LVRN: variants seen among roughly 807,000 people sequenced by gnomAD.
LVRN encodes the protein aminopeptidase Q.
In LVRN, 99 loss-of-function variants were observed where a neutral mutation model predicts 111.4. The ratio of observed to expected loss-of-function variants is 0.89; its 90% CI spans 0.76 to 1.05. The LOEUF (loss-of-function observed/expected upper bound fraction) is 1.05, where lower values mean the gene tolerates loss of function less well. LVRN is among the 50% of genes least tolerant of loss of function. LVRN has a pLI of 0.00. For synonymous variants in LVRN, 488 were observed against 449.5 expected (o/e 1.09, Z -1.08); for missense variants, 1,414 against 1,206.8 (o/e 1.17, Z -2.54).
Position 116,003,376 on chromosome 5 carries a change from CT to C in LVRN, c.2034del (p.Lys679ArgfsTer11). ...CTAAATCAACAACTTGAAAAGGATC[CT>C]AAGGTAAGGTTACTTTTGATACTTT... ...KKLNQQLEKD[P>X]KAIPVIHRLQ... On this transcript the variant is annotated frameshift_variant, in exon 12 of 20. Coordinates refer to ENST00000357872, the MANE Select transcript of LVRN (RefSeq NM_173800.5). LOFTEE classifies it high-confidence loss of function. 6.9e-7 allele frequency: 1 copy of C among 1,442,330 alleles called. No individual in the cohort carries two copies. 89.3% of individuals were successfully genotyped at this position (1,442,330 alleles called of 1,614,324 possible).
intron 4 of LVRN, among the ~76,000 whole-genome samples, chr5:115,988,391 C>T (rs1747916203): frequency 6.6e-6 from 1 of 151,650 alleles, no homozygotes; most frequent in Admixed American, 6.6e-5. Flanking sequence ...CTTAGTGGTC[C>T]CAACTATGAA....
chr5:116,001,689 G>A (rs6895868), intron 10 of LVRN, among the ~76,000 whole-genome samples: 1,825 of 152,260 alleles, frequency 0.012, 28 homozygotes, highest in African/African-American at 0.037. Context: ...GGGTGTGCAC[G>A]GATGTGTGTG....
chr5:116,004,993 A>G (rs965001151), intron 12 of LVRN, among the ~76,000 whole-genome samples: 11 of 152,230 alleles, frequency 7.2e-5, no homozygotes, highest in African/African-American at 2.2e-4. Flanking sequence ...AGGGCATTCT[A>G]AGCCATGAAA....
chr5:115,998,552 A>T (rs1431914524), intron 6 of LVRN, among the ~76,000 whole-genome samples: 1 of 152,184 alleles, frequency 6.6e-6, no homozygotes, highest in African/African-American at 2.4e-5. Context: ...CATTGTGCTT[A>T]TAGGTCACCA....
chr5:116,021,785 T>A lies in LVRN; in HGVS notation c.2757-606T>A, dbSNP rs144365509. 3.6e-3 allele frequency: 1,506 copies of A among 422,036 alleles called. 19 individuals are homozygous for A. Among genetic ancestry groups the A allele is most frequent in the African/African-American group, 0.029 (1,382 of 47,768 alleles). The allele number at this position is 422,036 out of a possible 1,614,324, so 26.1% of individuals were successfully genotyped here. ...TCTGCTGTTTTTTCATAGCAATACT[T>A]CACAGCTATTTTAAGATTTTTTTTT... is the stretch of plus-strand genomic sequence containing the variant. On this transcript the variant is annotated intron_variant, in intron 18 of 19. Coordinates refer to ENST00000357872, the MANE Select transcript of LVRN (RefSeq NM_173800.5).
chr5:116,014,623 T>C, intron 16 of LVRN, 96 bp downstream of exon 16: 1 of 979,330 alleles, frequency 1.0e-6, no homozygotes, highest in Non-Finnish European at 1.6e-6. Flanking sequence ...AGTGTTTTGC[T>C]TTCACTTGGT....
At chr5:116,024,727 C>G (rs1461184385) in intron 19 of LVRN, among the ~76,000 whole-genome samples, 1 of 152,108 alleles carries the variant, frequency 6.6e-6, no homozygotes, top group Admixed American at 6.6e-5. Context: ...TTTCAAAACT[C>G]TAGTCACTCA....
rs1360686252 is a variant in LVRN, at chr5:115,986,767, A to G, written c.979-1046A>G. 5.9e-5 allele frequency among the ~76,000 whole-genome samples: 9 copies of G among 152,238 alleles called. No individual in the cohort carries two copies. The East Asian group carries it at 1.7e-3, about 29-fold the overall frequency. ...GAAACATGTAAGTAGTTCAGAATTTACATAATTCTAGAAATACTTTTAAGC... is the reference window on the plus strand; with the variant it reads ...GAAACATGTAAGTAGTTCAGAATTTGCATAATTCTAGAAATACTTTTAAGC... On this transcript the variant is annotated intron_variant, in intron 3 of 19. Coordinates refer to ENST00000357872, the MANE Select transcript of LVRN (RefSeq NM_173800.5).
chr5:116,015,607 T>G (rs1364652674), intron 17 of LVRN, 21 bp from the exon 18 acceptor site: 3 of 1,582,416 alleles, frequency 1.9e-6, no homozygotes, highest in African/African-American at 1.4e-5. Flanking sequence ...AAATGTATTT[T>G]TTGAAAATGC....
intron 13 of LVRN, among the ~76,000 whole-genome samples, chr5:116,007,213 T>C (rs1748393533): frequency 6.6e-6 from 1 of 152,206 alleles, no homozygotes; most frequent in Non-Finnish European, 1.5e-5. Flanking sequence ...ATCAATTTCA[T>C]TATGCTATTC....
chr5:115,989,182 T>C (rs928695789), intron 4 of LVRN, among the ~76,000 whole-genome samples: 1 of 152,116 alleles, frequency 6.6e-6, no homozygotes, highest in Non-Finnish European at 1.5e-5. Flanking sequence ...CTGTAAAACC[T>C]CTGTGTGACC....
At chr5:115,992,072 C>A (rs61362358) in intron 4 of LVRN, 51 bp from the exon 5 acceptor site, 33,295 of 1,509,594 alleles carry the variant, frequency 0.022, 703 homozygotes, top group African/African-American at 0.11. Context: ...TAAAAAATCC[C>A]ATTTTTTGGA....
chr5:115,970,339 C>T (rs1221229114), intron 1 of LVRN, among the ~76,000 whole-genome samples: 1 of 151,206 alleles, frequency 6.6e-6, no homozygotes. Flanking sequence ...TATGTACTCT[C>T]ATGTCTAACT....
At position 116,005,969 on chromosome 5, in the gene LVRN, T is replaced by G. The variant is rs1241785706; in HGVS notation, c.2093+2T>G. 1 of 1,587,038 alleles carries G rather than the reference T, an allele frequency of 6.3e-7. No homozygotes were observed. Among genetic ancestry groups the G allele is most frequent in the African/African-American group, 1.3e-5 (1 of 74,248 alleles). On this transcript the variant is annotated splice_donor_variant, in intron 13 of 19. Coordinates refer to ENST00000357872, the MANE Select transcript of LVRN (RefSeq NM_173800.5). LOFTEE classifies it high-confidence loss of function. Reference sequence around the variant, plus strand: ...TGATGATGCCTTTTCCTTGTCTAAGTGAGTATATTTTCTTCTCTCATGGTT... The same window carrying G: ...TGATGATGCCTTTTCCTTGTCTAAGGGAGTATATTTTCTTCTCTCATGGTT...
chr5:115,982,192 G>A (rs1279484083), intron 1 of LVRN, among the ~76,000 whole-genome samples: 2 of 152,154 alleles, frequency 1.3e-5, no homozygotes, highest in Non-Finnish European at 2.9e-5. Flanking sequence ...CCTCAAAATG[G>A]CTGACTGAGA....
At chr5:115,981,630 T>C (rs1469884442) in intron 1 of LVRN, among the ~76,000 whole-genome samples, 1 of 152,200 alleles carries the variant, frequency 6.6e-6, no homozygotes, top group African/African-American at 2.4e-5. Flanking sequence ...TAAATTATTT[T>C]GACTGTAGTC....
At position 116,015,405 on chromosome 5, in the gene LVRN, A is replaced by G. The variant is rs944104516; in HGVS notation, c.2604A>G (p.Pro868=). The change falls in exon 17 of 20, where the codon CCA becomes CCG. Residue 868 remains proline (P), a synonymous_variant. Transcript: ENST00000357872. ...LAYAMSCSKD[P]WILNRYMEYA... ...ATGCAATGAGCTGCAGCAAAGACCC[A>G]TGGATACTTAACAGGTGATTATGGT... The G allele has an allele frequency of 3.1e-6, 5 of 1,597,138 alleles. No individual in the cohort carries two copies. Among genetic ancestry groups the G allele is most frequent in the East Asian group, 2.2e-5 (1 of 44,698 alleles).
At chr5:115,965,300 G>A (rs1753179277) in intron 1 of LVRN, among the ~76,000 whole-genome samples, 1 of 152,112 alleles carries the variant, frequency 6.6e-6, no homozygotes, top group African/African-American at 2.4e-5. Flanking sequence ...TGGGGAGTGG[G>A]GAGTTATTGC....
In LVRN at chr5:115,981,431, T is replaced by G. The variant is rs543014749; in HGVS notation, c.696-1856T>G. Among the ~76,000 whole-genome samples, 9 of 152,214 alleles carry G rather than the reference T, an allele frequency of 5.9e-5. No individual in the cohort carries two copies. The South Asian group carries it at 1.7e-3, about 28-fold the overall frequency. On this transcript the variant is annotated intron_variant, in intron 1 of 19. Transcript: ENST00000357872. ...TGGTCAGCTGTAGCCCCTAGAACAC[T>G]TTTTTTCAATTTTTAATTTTTGTGG...
Sources: gnomAD v4.1 joint callset for allele counts (sites outside exome capture counted in the v4.1 genomes callset) on GRCh38, gnomAD v4.1.1 for gene constraint, MANE v1.5 for transcripts, NCBI Gene and HGNC (gene_info 2026-07-23, HGNC 2026-07-21) for gene names.